The following CCDC7 variants were observed in gnomAD, a reference collection of about 807,000 sequenced individuals.
CCDC7 encodes the protein coiled-coil domain containing 7, also known as coiled-coil domain-containing protein 7.
CCDC7 carries 183 observed loss-of-function variants against 196.9 expected under a neutral mutation model. The observed-to-expected ratio is 0.93, with a 90% CI of 0.82 to 1.05. The LOEUF is 1.05. Ranked by LOEUF, CCDC7 falls within the 50% of genes least tolerant of loss-of-function variation. CCDC7 has a pLI of 0.00. For missense variants in CCDC7, 1,540 were observed against 1,482.2 expected (o/e 1.04, Z -0.64); for synonymous variants, 525 against 484.6 (o/e 1.08, Z -1.10).
chr10:32,764,107 C>T (rs1018723185), intron 28 of CCDC7, among the ~76,000 whole-genome samples: 3 of 151,782 alleles, frequency 2.0e-5, no homozygotes, highest in Non-Finnish European at 4.4e-5. Context: ...CTTTTCATTC[C>T]TGTCAGAAGA....
intron 32 of CCDC7, among the ~76,000 whole-genome samples, chr10:32,834,197 G>A (rs2135952737): frequency 6.6e-6 from 1 of 152,098 alleles, no homozygotes; most frequent in Non-Finnish European, 1.5e-5. Flanking sequence ...GGACCTGAGA[G>A]GGCACGTTCT....
intron 24 of CCDC7, among the ~76,000 whole-genome samples, chr10:32,709,488 G>T (rs2080440101): frequency 6.6e-6 from 1 of 151,714 alleles, no homozygotes; most frequent in South Asian, 2.1e-4. Context: ...AAATAAATAA[G>T]AAAACTAACC....
chr10:32,734,811 T>C (rs1443222105), intron 28 of CCDC7, among the ~76,000 whole-genome samples: 4 of 151,892 alleles, frequency 2.6e-5, no homozygotes, highest in African/African-American at 7.3e-5. Context: ...GCAGGAGAAT[T>C]GCTTGAACCA....
chr10:32,815,804 A>T (rs1478773330), intron 31 of CCDC7, among the ~76,000 whole-genome samples: 1 of 152,240 alleles, frequency 6.6e-6, no homozygotes, highest in East Asian at 1.9e-4. Context: ...CTGACTCAGC[A>T]TTAGAAACTT....
chr10:32,682,742 AT>A (rs1226592940), intron 21 of CCDC7, among the ~76,000 whole-genome samples: 1 of 152,092 alleles, frequency 6.6e-6, no homozygotes, highest in Admixed American at 6.6e-5. Flanking sequence ...TTCTCTAATG[AT>A]TAGTGATGTT....
At chr10:32,858,436 A>G (rs1422486025) in intron 41 of CCDC7, among the ~76,000 whole-genome samples, 2 of 152,162 alleles carry the variant, frequency 1.3e-5, no homozygotes, top group African/African-American at 4.8e-5. Context: ...ACAATTAAAC[A>G]TTATCAAACT....
intron 31 of CCDC7, among the ~76,000 whole-genome samples, chr10:32,821,191 G>A (rs1468355443): frequency 1.3e-5 from 2 of 152,214 alleles, no homozygotes; most frequent in Non-Finnish European, 2.9e-5. Context: ...CATTTATGCA[G>A]CCAACGGACA....
chr10:32,626,875 T>C (rs1354252892), intron 18 of CCDC7, among the ~76,000 whole-genome samples: 1 of 152,030 alleles, frequency 6.6e-6, no homozygotes, highest in East Asian at 1.9e-4. Flanking sequence ...GCTGGGTTCA[T>C]ATCTGCATTT....
chr10:32,546,961 T>C (rs2052567193), intron 13 of CCDC7, among the ~76,000 whole-genome samples: 1 of 152,156 alleles, frequency 6.6e-6, no homozygotes. Context: ...TTCCATAGAT[T>C]GTTCGTATCA....
At chr10:32,851,673 C>T in intron 39 of CCDC7, 134 bp from the exon 41 acceptor site, 1 of 816,552 alleles carries the variant, frequency 1.2e-6, no homozygotes, top group South Asian at 2.0e-5. Flanking sequence ...TCTATGTATC[C>T]TTTCAGTTTT....
intron 9 of CCDC7, among the ~76,000 whole-genome samples, chr10:32,503,472 A>G (rs1036472127): frequency 4.6e-5 from 7 of 152,204 alleles, no homozygotes; most frequent in Non-Finnish European, 7.3e-5. Flanking sequence ...CTTGCACTCC[A>G]GGGATAAATT....
chr10:32,727,200 C>T (rs2083259939), intron 26 of CCDC7, among the ~76,000 whole-genome samples: 1 of 152,086 alleles, frequency 6.6e-6, no homozygotes, highest in Non-Finnish European at 1.5e-5. Context: ...CTTCAGTCAA[C>T]AAACTGAGAG....
At chr10:32,755,171 G>A (rs2076228729) in intron 28 of CCDC7, among the ~76,000 whole-genome samples, 2 of 152,204 alleles carry the variant, frequency 1.3e-5, no homozygotes, top group South Asian at 2.1e-4. Flanking sequence ...GCCTGCCTCT[G>A]TAGACTCCAC....
intron 28 of CCDC7, among the ~76,000 whole-genome samples, chr10:32,768,881 A>G (rs926954482): frequency 1.3e-5 from 2 of 152,110 alleles, no homozygotes; most frequent in South Asian, 4.1e-4. Flanking sequence ...TAATCATGGT[A>G]TATTATATTT....
chr10:32,648,983 A>G (rs1047981576), intron 20 of CCDC7, among the ~76,000 whole-genome samples: 1 of 152,254 alleles, frequency 6.6e-6, no homozygotes, highest in African/African-American at 2.4e-5. Context: ...AGTCATAAAA[A>G]GGAACCAGAT....
chr10:32,869,247 C>G (rs373821555), intron 41 of CCDC7, among the ~76,000 whole-genome samples: 3 of 151,954 alleles, frequency 2.0e-5, no homozygotes, highest in Admixed American at 2.0e-4. Flanking sequence ...CCTGACTTTT[C>G]AATGATCGCC....
intron 28 of CCDC7, among the ~76,000 whole-genome samples, chr10:32,754,789 C>T (rs1318030284): frequency 6.6e-6 from 1 of 152,020 alleles, no homozygotes; most frequent in African/African-American, 2.4e-5. Flanking sequence ...TGGGTACAGC[C>T]CACAGAGTGT....
chr10:32,525,792 A>G (rs1272229659), intron 11 of CCDC7, among the ~76,000 whole-genome samples: 1 of 152,220 alleles, frequency 6.6e-6, no homozygotes, highest in East Asian at 1.9e-4. Context: ...GTCTTGGATA[A>G]GATCCAGAAG....
At chr10:32,677,831 A>G (rs937624814) in intron 21 of CCDC7, among the ~76,000 whole-genome samples, 5 of 152,184 alleles carry the variant, frequency 3.3e-5, no homozygotes, top group Non-Finnish European at 5.9e-5. Flanking sequence ...TTGGACTTCC[A>G]TATGCATATA....
Sources: gnomAD v4.1 joint callset for allele counts (sites outside exome capture counted in the v4.1 genomes callset) on GRCh38, gnomAD v4.1.1 for gene constraint, MANE v1.5 for transcripts, NCBI Gene and HGNC (gene_info 2026-07-23, HGNC 2026-07-21) for gene names.